The following WDR19 variants were observed in gnomAD, a reference collection of about 807,000 sequenced individuals.
WDR19 encodes the protein WD repeat-containing protein 19.
WDR19 carries 121 observed loss-of-function variants against 180.0 expected under a neutral mutation model. That is an observed-to-expected ratio of 0.67 (90% confidence interval 0.58 to 0.78). The LOEUF (loss-of-function observed/expected upper bound fraction) is 0.78, where lower values mean the gene tolerates loss of function less well. Among genes scored for constraint, WDR19 ranks in the 30% least tolerant of loss-of-function variants. The pLI, the probability that WDR19 is intolerant of heterozygous loss-of-function variation, is 0.00. For missense variants in WDR19, 1,450 were observed against 1,640.7 expected (o/e 0.88, Z 2.01); for synonymous variants, 497 against 540.7 (o/e 0.92, Z 1.12).
At chr4:39,225,083 GA>G (rs777716179) in intron 15 of WDR19, 50 bp downstream of exon 15, 11 of 1,413,814 alleles carry the variant, frequency 7.8e-6, no homozygotes, top group South Asian at 3.2e-5. Context: ...GCAATATAGG[GA>G]AAAAAAGTGT....
Position 39,278,560 on chromosome 4 carries a change from A to G in WDR19, c.3939A>G (p.Thr1313=), listed in dbSNP as rs1474076987. The G allele has an allele frequency of 1.2e-6, 2 of 1,613,140 alleles. No homozygotes were observed. Among genetic ancestry groups the G allele is most frequent in the Admixed American group, 1.7e-5 (1 of 59,954 alleles). The change falls in exon 36 of 37, where the codon ACA becomes ACG. Residue 1313 remains threonine, a synonymous_variant. Coordinates refer to ENST00000399820, the MANE Select transcript of WDR19 (RefSeq NM_025132.4). Reference sequence around the variant, plus strand: ...ACAGCATGCTAAACACTGAAAGCACATGTCCTATGTGTTCAGAAAGATTAA... The same window carrying G: ...ACAGCATGCTAAACACTGAAAGCACGTGTCCTATGTGTTCAGAAAGATTAA... ...ELKIMLNTES[T]CPMCSERLNA... is the part of the protein sequence containing the mutation.
At chr4:39,209,539 CCT>C (rs1728282231) in intron 9 of WDR19, among the ~76,000 whole-genome samples, 1 of 150,942 alleles carries the variant, frequency 6.6e-6, no homozygotes, top group African/African-American at 2.4e-5. Context: ...ATGGAGAAAC[CCT>C]GTCTCTACTA....
Position 39,253,198 on chromosome 4 carries a change from A to G in WDR19, c.2782A>G (p.Ile928Val). ...YENAKQWQSVIRIYLDHLNNP... is the reference protein window; with the variant it reads ...YENAKQWQSVVRIYLDHLNNP... ...AAATGCAAAACAGTGGCAAAGTGTA[A>G]TCCGCATCTATCTGGATCACCTCAA... The change falls in exon 25 of 37, where the codon ATC (isoleucine) becomes GTC (valine). Residue 928 changes from isoleucine (I) to valine (V), a missense_variant. By Grantham distance (29) the Ile-to-Val change is conservative (BLOSUM62 3). Coordinates refer to ENST00000399820, the MANE Select transcript of WDR19 (RefSeq NM_025132.4). 6.2e-7 allele frequency: 1 copy of G among 1,613,370 alleles called. No homozygotes were observed. The highest frequency in any genetic ancestry group is 1.1e-5 in the South Asian group (1 of 90,894).
Position 39,216,026 on chromosome 4 carries a change from T to C in WDR19, c.1134+13T>C, listed in dbSNP as rs374615138. 6.4e-7 allele frequency: 1 copy of C among 1,555,764 alleles called. No homozygotes were observed. Among genetic ancestry groups the C allele is most frequent in the African/African-American group, 1.4e-5 (1 of 72,272 alleles). ...CCCTGTTGAAGGAGTATGAAAATGG[T>C]GTTATTTTTCTTTTATTTATTAATA... On this transcript the variant is annotated intron_variant, in intron 11 of 36. Transcript: ENST00000399820.
chr4:39,231,647 T>G (rs1420018147), intron 17 of WDR19, 150 bp from the exon 18 acceptor site: 3 of 641,616 alleles, frequency 4.7e-6, no homozygotes, highest in Non-Finnish European at 7.0e-6. Flanking sequence ...AGCTTAAGTG[T>G]TTTTTCATTA....
At chr4:39,216,478 T>C (rs1396606625) in intron 12 of WDR19, among the ~76,000 whole-genome samples, 3 of 152,220 alleles carry the variant, frequency 2.0e-5, no homozygotes, top group Non-Finnish European at 4.4e-5. Context: ...AATTTCCCCT[T>C]CTGCCTCTGT....
At chr4:39,240,716 C>T (rs1731848818) in intron 21 of WDR19, among the ~76,000 whole-genome samples, 1 of 151,996 alleles carries the variant, frequency 6.6e-6, no homozygotes, top group African/African-American at 2.4e-5. Flanking sequence ...CTTTGGGAGG[C>T]CAAGGTGGGC....
chr4:39,202,356 C>T (rs955185021), intron 6 of WDR19, among the ~76,000 whole-genome samples: 1 of 152,024 alleles, frequency 6.6e-6, no homozygotes, highest in Admixed American at 6.6e-5. Context: ...TAAAAATCCA[C>T]TTGAAATACA....
intron 18 of WDR19, 93 bp downstream of exon 18, chr4:39,232,049 TA>T (rs1577944198): frequency 6.5e-7 from 1 of 1,538,052 alleles, no homozygotes; most frequent in South Asian, 1.2e-5. Context: ...TCTTACCTCT[TA>T]AACAAGTGAA....
At position 39,240,264 on chromosome 4, in the gene WDR19, A is replaced by ATTT; in HGVS notation, c.2364-6_2364-4dup. On this transcript the variant is annotated splice_polypyrimidine_tract_variant and intron_variant, in intron 20 of 36. Coordinates refer to ENST00000399820, the MANE Select transcript of WDR19 (RefSeq NM_025132.4). ...ATTAAAATTATTAAAATTCACTCTT[A>ATTT]TTTTTTTTTCAGGGGTGATTATGTA... is the stretch of plus-strand genomic sequence containing the variant. The ATTT allele has an allele frequency of 8.0e-7, 1 of 1,246,952 alleles. No individual in the cohort carries two copies. The highest frequency in any genetic ancestry group is 2.2e-5 in the South Asian group (1 of 45,462). The allele number at this position is 1,246,952 out of a possible 1,614,324, so 77.2% of individuals were successfully genotyped here.
Position 39,255,868 on chromosome 4 carries a change from GA to G in WDR19, c.3024del (p.Asp1009ThrfsTer36). On this transcript the variant is annotated frameshift_variant, in exon 27 of 37. Transcript: ENST00000399820. LOFTEE classifies it high-confidence loss of function. ...DIIGSEDTTN[E>X]DYQSIALYFE... ...TACAGGTTCTGAAGACACTACTAAT[GA>G]AGACTATCAAAGCATTGCCTTATAC... 1 of 1,602,036 alleles carries G rather than the reference GA, an allele frequency of 6.2e-7. No homozygotes were observed. The highest frequency in any genetic ancestry group is 8.5e-7 in the Non-Finnish European group (1 of 1,174,074).
At chr4:39,191,539 A>G (rs1399599277) in intron 4 of WDR19, among the ~76,000 whole-genome samples, 1 of 152,218 alleles carries the variant, frequency 6.6e-6, no homozygotes, top group Non-Finnish European at 1.5e-5. Context: ...TATTTTTGCT[A>G]TGTATGCATT....
intron 3 of WDR19, 63 bp from the exon 4 acceptor site, chr4:39,189,593 A>C: frequency 2.1e-6 from 3 of 1,408,202 alleles, no homozygotes; most frequent in Non-Finnish European, 2.8e-6. Context: ...ATAGACAAAA[A>C]TCACAAATAG....
intron 28 of WDR19, among the ~76,000 whole-genome samples, chr4:39,265,545 G>A (rs1355130992): frequency 6.6e-5 from 10 of 151,854 alleles, no homozygotes; most frequent in African/African-American, 2.4e-5. Flanking sequence ...AGGCTGAGGC[G>A]AGCAGATCAC....
chr4:39,273,134 G>A, intron 32 of WDR19, 73 bp downstream of exon 32: 1 of 1,196,688 alleles, frequency 8.4e-7, no homozygotes, highest in Non-Finnish European at 1.2e-6. Context: ...CGCCCCTTTT[G>A]CAGGCTCCCC....
intron 28 of WDR19, 31 bp from the exon 29 acceptor site, chr4:39,266,032 A>G (rs1159980103): frequency 6.5e-7 from 1 of 1,545,832 alleles, no homozygotes. Context: ...AAGATGCTGA[A>G]TTTGCTGGGT....
At chr4:39,266,281 C>A (rs920201870) in intron 29 of WDR19, 141 bp downstream of exon 29, 3 of 577,110 alleles carry the variant, frequency 5.2e-6, no homozygotes, top group Non-Finnish European at 5.6e-6. Flanking sequence ...AGACCAGGAG[C>A]GTCCAATCTT....
intron 5 of WDR19, among the ~76,000 whole-genome samples, chr4:39,195,402 A>AAAC (rs1726653757): frequency 6.6e-6 from 1 of 151,724 alleles, no homozygotes; most frequent in South Asian, 2.1e-4. Context: ...AAACAAAAAA[A>AAAC]AACATTTACT....
At chr4:39,278,067 A>AAT in intron 34 of WDR19, 64 bp from the exon 35 acceptor site, 2 of 1,399,012 alleles carry the variant, frequency 1.4e-6, no homozygotes, top group Admixed American at 2.3e-5. Context: ...AAAAAAAAAA[A>AAT]TTGACTAACA....
Sources: gnomAD v4.1 joint callset for allele counts (sites outside exome capture counted in the v4.1 genomes callset) on GRCh38, gnomAD v4.1.1 for gene constraint, MANE v1.5 for transcripts, NCBI Gene and HGNC (gene_info 2026-07-23, HGNC 2026-07-21) for gene names.